Variants in KCNIP4 observed in about 807,000 individuals in gnomAD.
KCNIP4 encodes potassium voltage-gated channel interacting protein 4.
A neutral mutation model predicts 34.0 loss-of-function variants in KCNIP4; 12 were observed. The ratio of observed to expected loss-of-function variants is 0.35; its 90% confidence interval spans 0.23 to 0.57. The LOEUF (loss-of-function observed/expected upper bound fraction) is 0.57. KCNIP4 is among the 20% of genes least tolerant of loss of function. The pLI, the probability that KCNIP4 is intolerant of heterozygous loss-of-function variation, is 0.83. For synonymous variants in KCNIP4, 124 were observed against 102.2 expected (o/e 1.21, Z -1.29); for missense variants, 238 against 311.7 (o/e 0.76, Z 1.78).
chr4:21,915,239 T>G (rs1728564798), intron 1 of KCNIP4, among the ~76,000 whole-genome samples: 1 of 152,164 alleles, frequency 6.6e-6, no homozygotes, highest in South Asian at 2.1e-4. Flanking sequence ...CAAAATTGGC[T>G]GAAATTGGCC....
chr4:20,821,800 A>G (rs140994934), intron 3 of KCNIP4, among the ~76,000 whole-genome samples: 48 of 152,226 alleles, frequency 3.2e-4, no homozygotes, highest in African/African-American at 9.6e-4. Context: ...AATTGCTGCA[A>G]AAGACATTTT....
At chr4:20,923,488 T>A (rs1462633644) in intron 1 of KCNIP4, among the ~76,000 whole-genome samples, 1 of 152,164 alleles carries the variant, frequency 6.6e-6, no homozygotes, top group Non-Finnish European at 1.5e-5. Context: ...CCTATATAGA[T>A]GCAACACAGA....
chr4:21,348,609 T>C (rs988669405), intron 1 of KCNIP4, among the ~76,000 whole-genome samples: 1 of 152,154 alleles, frequency 6.6e-6, no homozygotes, highest in Non-Finnish European at 1.5e-5. Flanking sequence ...CATCTTAATA[T>C]AGAACTGTTT....
chr4:21,257,794 T>C (rs1421519065), intron 1 of KCNIP4, among the ~76,000 whole-genome samples: 1 of 150,546 alleles, frequency 6.6e-6, no homozygotes, highest in Non-Finnish European at 1.5e-5. Context: ...CACCAGGAGA[T>C]GAGTTCAGCA....
At chr4:20,734,784 AAAAC>A (rs1233998900) in intron 5 of KCNIP4, 49 bp from the exon 6 acceptor site, 18 of 1,059,626 alleles carry the variant, frequency 1.7e-5, no homozygotes, top group East Asian at 2.5e-5. Context: ...TAAAAAAACA[AAAAC>A]AAAAAAAACA....
intron 1 of KCNIP4, among the ~76,000 whole-genome samples, chr4:21,748,420 T>C (rs540698606): frequency 6.6e-6 from 1 of 152,152 alleles, no homozygotes; most frequent in East Asian, 1.9e-4. Flanking sequence ...TAGACAGAAA[T>C]CCTGATTTTG....
At chr4:21,434,025 C>T (rs1726732520) in intron 1 of KCNIP4, among the ~76,000 whole-genome samples, 1 of 152,062 alleles carries the variant, frequency 6.6e-6, no homozygotes, top group African/African-American at 2.4e-5. Flanking sequence ...TTTCTTTATT[C>T]TTTACTACTA....
At chr4:21,326,697 G>T (rs1298295365) in intron 1 of KCNIP4, among the ~76,000 whole-genome samples, 2 of 150,528 alleles carry the variant, frequency 1.3e-5, no homozygotes, top group East Asian at 2.0e-4. Context: ...TTTTCTGGTT[G>T]TTTTTTCGGT....
At chr4:21,542,192 C>T (rs915330569) in intron 1 of KCNIP4, among the ~76,000 whole-genome samples, 1 of 151,956 alleles carries the variant, frequency 6.6e-6, no homozygotes, top group African/African-American at 2.4e-5. Context: ...ATGTGTCTAC[C>T]ACCCAATGTG....
chr4:21,673,727 G>C (rs1322132710), intron 1 of KCNIP4, among the ~76,000 whole-genome samples: 2 of 152,132 alleles, frequency 1.3e-5, no homozygotes, highest in Non-Finnish European at 2.9e-5. Context: ...ACTAGCTAGT[G>C]GTGGTGGGTA....
chr4:21,394,457 A>C (rs1278561929), intron 1 of KCNIP4, among the ~76,000 whole-genome samples: 1 of 152,168 alleles, frequency 6.6e-6, no homozygotes, highest in Non-Finnish European at 1.5e-5. Flanking sequence ...CAAAAACTAA[A>C]CATATTTAAA....
chr4:21,658,392 T>TCACATCACAC (rs1748145179), intron 1 of KCNIP4, among the ~76,000 whole-genome samples: 1 of 152,078 alleles, frequency 6.6e-6, no homozygotes, highest in African/African-American at 2.4e-5. Flanking sequence ...TCACATCACA[T>TCACATCACAC]CACATCACAT....
At chr4:21,594,120 T>A (rs1383724305) in intron 1 of KCNIP4, among the ~76,000 whole-genome samples, 1 of 152,098 alleles carries the variant, frequency 6.6e-6, no homozygotes, top group Non-Finnish European at 1.5e-5. Flanking sequence ...TCTTGTAATT[T>A]AAAATAACTC....
chr4:20,845,257 C>T (rs1248515228), intron 3 of KCNIP4, among the ~76,000 whole-genome samples: 3 of 152,112 alleles, frequency 2.0e-5, no homozygotes, highest in Non-Finnish European at 4.4e-5. Context: ...AACAGGAAAA[C>T]CACTAAAGAA....
At chr4:21,608,269 G>A (rs1430718348) in intron 1 of KCNIP4, among the ~76,000 whole-genome samples, 2 of 152,058 alleles carry the variant, frequency 1.3e-5, no homozygotes, top group African/African-American at 4.8e-5. Flanking sequence ...TCTTTATTTA[G>A]AATCTCACAA....
intron 1 of KCNIP4, among the ~76,000 whole-genome samples, chr4:20,932,919 T>C (rs924735548): frequency 6.6e-6 from 1 of 152,118 alleles, no homozygotes; most frequent in Non-Finnish European, 1.5e-5. Flanking sequence ...GAAATCCTCA[T>C]AGCTTAAGTA....
At chr4:21,685,288 T>C (rs1750719480) in intron 1 of KCNIP4, among the ~76,000 whole-genome samples, 1 of 152,222 alleles carries the variant, frequency 6.6e-6, no homozygotes, top group African/African-American at 2.4e-5. Flanking sequence ...TGAGTACTGA[T>C]TCCAGCCACT....
At chr4:21,210,662 T>C (rs1577894194) in intron 1 of KCNIP4, among the ~76,000 whole-genome samples, 1 of 151,834 alleles carries the variant, frequency 6.6e-6, no homozygotes, top group East Asian at 2.0e-4. Context: ...TATATTACTA[T>C]AAAAATTTAT....
chr4:21,226,676 A>T (rs1273562886), intron 1 of KCNIP4, among the ~76,000 whole-genome samples: 1 of 152,200 alleles, frequency 6.6e-6, no homozygotes, highest in Non-Finnish European at 1.5e-5. Context: ...GACACATTGG[A>T]TACTTTTTCC....
Sources: gnomAD v4.1 joint callset for allele counts (sites outside exome capture counted in the v4.1 genomes callset) on GRCh38, gnomAD v4.1.1 for gene constraint, MANE v1.5 for transcripts, NCBI Gene and HGNC (gene_info 2026-07-23, HGNC 2026-07-21) for gene names.